Variants in GCNA observed in about 807,000 individuals in gnomAD.
GCNA encodes the protein germ cell nuclear acidic protein.
GCNA carries 3 observed loss-of-function variants against 38.8 expected under a neutral mutation model. That is an observed-to-expected ratio of 0.08 (90% CI 0.04 to 0.20). GCNA has a LOEUF of 0.20. GCNA is among the 10% of genes least tolerant of loss of function. GCNA has a pLI of 1.00. For missense variants in GCNA, 446 were observed against 578.6 expected, an observed-to-expected ratio of 0.77 and a Z score of 2.35; for synonymous variants, 195 against 240.2, an observed-to-expected ratio of 0.81 and a Z score of 1.74.
At chrX:71,599,108 T>C (rs1374810510) in intron 7 of GCNA, among the ~76,000 whole-genome samples, 1 of 109,951 alleles carries the variant, frequency 9.1e-6, no homozygotes, top group African/African-American at 3.3e-5. Context: ...CTGCTTGCCT[T>C]GGCCTCCCAA....
intron 7 of GCNA, among the ~76,000 whole-genome samples, chrX:71,601,564 C>T (rs1423182201): frequency 9.3e-6 from 1 of 107,733 alleles, no homozygotes; most frequent in Non-Finnish European, 1.9e-5. Context: ...TGTTTTTTTG[C>T]GACGGAGTCT....
At position 71,584,541 on chromosome X, in the gene GCNA, C is replaced by T. The variant is rs941197684; in HGVS notation, c.59+3661C>T. Among the ~76,000 whole-genome samples, 9 of 112,038 alleles carry T rather than the reference C, an allele frequency of 8.0e-5. 1 individual carries two copies. The highest frequency in any genetic ancestry group is 4.7e-4 in the Admixed American group (5 of 10,711). Reference sequence around the variant, plus strand: ...GTGCTGGGATTACAGGCGTGACTGCCGCACCCGGCCTCATAGCATTTAATT... The same window carrying T: ...GTGCTGGGATTACAGGCGTGACTGCTGCACCCGGCCTCATAGCATTTAATT... On this transcript the variant is annotated intron_variant, in intron 2 of 12. Coordinates refer to ENST00000373696, the MANE Select transcript of GCNA (RefSeq NM_052957.5).
At chrX:71,605,795 T>C in intron 9 of GCNA, 66 bp downstream of exon 9, 1 of 970,248 alleles carries the variant, frequency 1.0e-6, no homozygotes, top group African/African-American at 1.9e-5. Context: ...GGCAGTCCAC[T>C]GGGCACTTGG....
chrX:71,578,882 T>C (rs1230681258), intron 1 of GCNA, among the ~76,000 whole-genome samples: 1 of 92,475 alleles, frequency 1.1e-5, no homozygotes, highest in African/African-American at 4.2e-5. Context: ...GGTGGTGGCG[T>C]AGAAGGAGGT....
chrX:71,604,973 C>G (rs1191829972), intron 8 of GCNA, among the ~76,000 whole-genome samples: 1 of 112,176 alleles, frequency 8.9e-6, no homozygotes, highest in African/African-American at 3.2e-5. Flanking sequence ...TTATCTCTTC[C>G]TCTATGAAGC....
chrX:71,603,322 T>C lies in GCNA; in HGVS notation c.311-266T>C, dbSNP rs191283123. Among the ~76,000 whole-genome samples, 54 of 112,441 alleles carry C rather than the reference T, an allele frequency of 4.8e-4. 1 individual carries two copies. Among genetic ancestry groups the C allele is most frequent in the Admixed American group, 8.5e-4 (9 of 10,634 alleles). ...TTTTCTAGTTCTGTGAAGAATGTCA[T>C]TGGTATTTTGATAGGGATTGTATTG... On this transcript the variant is annotated intron_variant, in intron 7 of 12. Coordinates refer to ENST00000373696, the MANE Select transcript of GCNA (RefSeq NM_052957.5).
intron 6 of GCNA, among the ~76,000 whole-genome samples, chrX:71,595,244 C>T (rs1032072420): frequency 2.7e-5 from 3 of 111,518 alleles, no homozygotes; most frequent in African/African-American, 6.5e-5. Flanking sequence ...TACTGGCACA[C>T]GCCACCATGC....
chrX:71,604,162 C>T lies in GCNA; in HGVS notation c.885C>T (p.Ser295=), dbSNP rs772857491. The T allele has an allele frequency of 1.5e-5, 18 of 1,208,101 alleles. No homozygotes were observed. The highest frequency in any genetic ancestry group is 2.0e-5 in the Non-Finnish European group (18 of 894,581). The change falls in exon 8 of 13, where the codon TCC becomes TCT. Residue 295 remains serine (S), a synonymous_variant. Transcript: ENST00000373696. ...ACAGCAGTGATGATTCGGAAGCTTC[C>T]GACGACAGCAGTGATGATTCGGAAG... The part of the protein sequence containing the change: ...SDDSSDDSEA[S]DDSSDDSEAP...
chrX:71,593,353 G>A (rs774133741), intron 4 of GCNA, among the ~76,000 whole-genome samples: 2 of 111,698 alleles, frequency 1.8e-5, no homozygotes, highest in South Asian at 7.6e-4. Context: ...TGGCAGTGGC[G>A]GTGAAGTGGT....
chrX:71,604,063 G>A lies in GCNA; in HGVS notation c.786G>A (p.Ser262=). 1.0e-6 allele frequency: 1 copy of A among 994,190 alleles called. No homozygotes were observed. Among genetic ancestry groups the A allele is most frequent in the South Asian group, 2.2e-5 (1 of 44,834 alleles). 81.9% of individuals were successfully genotyped at this position (994,190 alleles called of 1,213,427 possible). The change falls in exon 8 of 13, where the codon TCG becomes TCA. Residue 262 remains serine, a synonymous_variant. Transcript: ENST00000373696. The stretch of plus-strand genomic sequence containing the variant: ...CTCCCGACGACAGCAGTGATGATTC[G>A]GAAGCTCCCGACGACAGCAGTGATG... The part of the protein sequence containing the change: ...SEAPDDSSDD[S]EAPDDSSDDS...
chrX:71,579,333 ATAG>A (rs1194657132), intron 1 of GCNA, among the ~76,000 whole-genome samples: 1 of 63,894 alleles, frequency 1.6e-5, no homozygotes, highest in African/African-American at 6.3e-5. Flanking sequence ...ATAGGAGCAC[ATAG>A]TAGCGCTGGC....
At chrX:71,611,262 C>T in intron 11 of GCNA, among the ~76,000 whole-genome samples, 1 of 112,265 alleles carries the variant, frequency 8.9e-6, no homozygotes, top group African/African-American at 3.2e-5. Context: ...AGGCCTAGAG[C>T]CTGGCTTTTG....
At position 71,595,322 on chromosome X, in the gene GCNA, C is replaced by G. The variant is rs186072456; in HGVS notation, c.221+543C>G. The stretch of plus-strand genomic sequence containing the variant: ...TGTTTTTCAGGCTTGTCTTGAACTC[C>G]TGACCTGAAGCGATCCACCTGCTTT... On this transcript the variant is annotated intron_variant, in intron 6 of 12. Transcript: ENST00000373696. 2.8e-3 allele frequency among the ~76,000 whole-genome samples: 315 copies of G among 111,603 alleles called. 2 individuals carry two copies. The highest frequency in any genetic ancestry group is 9.9e-3 in the African/African-American group (303 of 30,742).
intron 1 of GCNA, among the ~76,000 whole-genome samples, chrX:71,579,118 T>G (rs904091940): frequency 2.0e-5 from 2 of 101,523 alleles, no homozygotes; most frequent in Non-Finnish European, 4.0e-5. Context: ...CCAGTGGCTA[T>G]GTAGGAATAC....
At chrX:71,599,022 G>GTT (rs1249801404) in intron 7 of GCNA, among the ~76,000 whole-genome samples, 2 of 97,132 alleles carry the variant, frequency 2.1e-5, no homozygotes, top group Non-Finnish European at 4.2e-5. Context: ...TTTTGTTGTT[G>GTT]TTTTTTTTTT....
At chrX:71,579,056 G>C (rs1302389412) in intron 1 of GCNA, among the ~76,000 whole-genome samples, 3 of 105,434 alleles carry the variant, frequency 2.8e-5, no homozygotes, top group African/African-American at 1.0e-4. Flanking sequence ...CACCATTGGC[G>C]GCCTTGGGGG....
chrX:71,587,776 T>C (rs1356552808), intron 2 of GCNA, among the ~76,000 whole-genome samples: 2 of 110,425 alleles, frequency 1.8e-5, no homozygotes, highest in Non-Finnish European at 3.8e-5. Context: ...AAATGTAGTT[T>C]CTTGGATTTC....
intron 7 of GCNA, among the ~76,000 whole-genome samples, chrX:71,602,532 T>A (rs569411150): frequency 2.4e-3 from 273 of 112,549 alleles, no homozygotes; most frequent in South Asian, 0.023. Context: ...TCAATGATGT[T>A]GAACACCTTT....
At chrX:71,611,556 A>T (rs181360088) in intron 11 of GCNA, among the ~76,000 whole-genome samples, 19 of 112,009 alleles carry the variant, frequency 1.7e-4, no homozygotes, top group African/African-American at 5.8e-4. Flanking sequence ...AAATGTTTTT[A>T]AAAATGTGCC....
Sources: allele counts gnomAD v4.1 joint callset (sites outside exome capture counted in the v4.1 genomes callset), GRCh38; gene constraint gnomAD v4.1.1; transcripts MANE v1.5; gene names NCBI Gene and HGNC (gene_info 2026-07-23, HGNC 2026-07-21).